The following SPAG16 variants were observed in gnomAD, a reference collection of about 807,000 sequenced individuals.
SPAG16 encodes the protein sperm associated antigen 16.
A neutral mutation model predicts 80.4 loss-of-function variants in SPAG16; 86 were observed. The ratio of observed to expected loss-of-function variants is 1.07; its 90% CI spans 0.90 to 1.28. SPAG16 has a LOEUF of 1.28. Ranked by LOEUF, SPAG16 falls within the 50% of genes most tolerant of loss-of-function variation. The pLI is 0.00. For synonymous variants in SPAG16, 294 were observed against 265.9 expected (o/e 1.11, Z -1.03); for missense variants, 870 against 765.3 (o/e 1.14, Z -1.61).
At chr2:214,009,945 GA>G (rs1300084764) in intron 12 of SPAG16, among the ~76,000 whole-genome samples, 3 of 152,032 alleles carry the variant, frequency 2.0e-5, no homozygotes, top group Non-Finnish European at 4.4e-5. Context: ...AAGAGTAAAT[GA>G]ATAAAACTCC....
rs1257915737 is a variant in SPAG16, at chr2:214,257,295, T to C, written c.1720+108029T>C. The stretch of plus-strand genomic sequence containing the variant: ...CATAGTAGTTGTGTTGTCAAGTTCT[T>C]AGGATCTTCTTCATAAGCAATCATG... On this transcript the variant is annotated intron_variant, in intron 15 of 15. Transcript: ENST00000331683. Among the ~76,000 whole-genome samples the C allele has an allele frequency of 2.0e-5, 3 of 152,002 alleles. No homozygotes were observed. In the East Asian group the frequency reaches 5.8e-4, roughly 29 times the overall value.
chr2:213,525,014 T>C (rs1402403193), intron 10 of SPAG16, among the ~76,000 whole-genome samples: 5 of 152,118 alleles, frequency 3.3e-5, no homozygotes, highest in African/African-American at 4.8e-5. Context: ...GCAGTTCCCA[T>C]AATCCCCACA....
At chr2:213,885,442 T>A (rs1357088077) in intron 11 of SPAG16, among the ~76,000 whole-genome samples, 4 of 152,204 alleles carry the variant, frequency 2.6e-5, no homozygotes, top group African/African-American at 9.6e-5. Context: ...TTTGTGCACA[T>A]TGATTTTGTT....
intron 7 of SPAG16, among the ~76,000 whole-genome samples, chr2:213,354,089 T>C (rs548951794): frequency 1.3e-5 from 2 of 152,286 alleles, no homozygotes; most frequent in Admixed American, 1.3e-4. Context: ...CCTGTGTCCA[T>C]GTGTTCTCAT....
intron 10 of SPAG16, among the ~76,000 whole-genome samples, chr2:213,626,614 C>T (rs2061967680): frequency 6.7e-6 from 1 of 150,216 alleles, no homozygotes; most frequent in Non-Finnish European, 1.5e-5. Flanking sequence ...TTGCATGACA[C>T]ACTAGATATT....
intron 3 of SPAG16, among the ~76,000 whole-genome samples, chr2:213,301,334 T>C (rs2062734428): frequency 6.6e-6 from 1 of 152,196 alleles, no homozygotes; most frequent in African/African-American, 2.4e-5. Context: ...AAGGAGTTGA[T>C]GAAATGAAGC....
chr2:213,515,562 CT>C (rs2075388478), intron 10 of SPAG16, among the ~76,000 whole-genome samples: 2 of 152,072 alleles, frequency 1.3e-5, no homozygotes, highest in Admixed American at 6.6e-5. Flanking sequence ...GATGTAATTC[CT>C]TTTTTTCCAT....
chr2:214,077,127 T>C (rs1327515105), intron 13 of SPAG16, among the ~76,000 whole-genome samples: 2 of 152,184 alleles, frequency 1.3e-5, no homozygotes, highest in African/African-American at 4.8e-5. Context: ...TTAGTTTGAT[T>C]ACATGTACAA....
intron 10 of SPAG16, among the ~76,000 whole-genome samples, chr2:213,772,564 C>T (rs892115981): frequency 6.6e-6 from 1 of 152,058 alleles, no homozygotes; most frequent in African/African-American, 2.4e-5. Context: ...AAGAGTACTA[C>T]TATATATATG....
intron 9 of SPAG16, among the ~76,000 whole-genome samples, chr2:213,430,224 G>A (rs569564611): frequency 5.9e-5 from 9 of 152,318 alleles, no homozygotes; most frequent in African/African-American, 2.2e-4. Context: ...TTCAACAATA[G>A]ATGAGACCAA....
chr2:213,772,566 A>C (rs1575095897), intron 10 of SPAG16, among the ~76,000 whole-genome samples: 1 of 152,170 alleles, frequency 6.6e-6, no homozygotes, highest in Admixed American at 6.5e-5. Context: ...GAGTACTACT[A>C]TATATATGTG....
intron 12 of SPAG16, among the ~76,000 whole-genome samples, chr2:213,993,124 G>A (rs969448067): frequency 6.6e-6 from 1 of 152,210 alleles, no homozygotes; most frequent in Admixed American, 6.5e-5. Context: ...TATGCTCAGC[G>A]TGAAACTAAG....
chr2:213,475,750 A>G (rs914569805), intron 9 of SPAG16, among the ~76,000 whole-genome samples: 1 of 152,188 alleles, frequency 6.6e-6, no homozygotes, highest in African/African-American at 2.4e-5. Context: ...TGAAGCATGA[A>G]AAATACACTG....
intron 9 of SPAG16, among the ~76,000 whole-genome samples, chr2:213,465,476 A>G (rs1000905141): frequency 6.6e-6 from 1 of 152,176 alleles, no homozygotes; most frequent in African/African-American, 2.4e-5. Context: ...ATAGGTTTGC[A>G]CTACTATCTG....
intron 10 of SPAG16, among the ~76,000 whole-genome samples, chr2:213,599,763 A>G (rs2060999523): frequency 6.6e-6 from 1 of 152,156 alleles, no homozygotes; most frequent in Non-Finnish European, 1.5e-5. Context: ...GTGCAGTGGC[A>G]CAATATCGGC....
chr2:213,798,960 C>T (rs528081847), intron 10 of SPAG16, among the ~76,000 whole-genome samples: 22 of 152,268 alleles, frequency 1.4e-4, no homozygotes, highest in African/African-American at 5.3e-4. Flanking sequence ...TGCCAGTACC[C>T]TATTCCTTAC....
At chr2:214,116,885 T>C (rs1037738194) in intron 14 of SPAG16, among the ~76,000 whole-genome samples, 1 of 152,186 alleles carries the variant, frequency 6.6e-6, no homozygotes, top group Non-Finnish European at 1.5e-5. Context: ...TGAAAAATGA[T>C]AGGCACAGTA....
intron 11 of SPAG16, among the ~76,000 whole-genome samples, chr2:213,925,965 T>C (rs1311532103): frequency 6.6e-6 from 1 of 152,186 alleles, no homozygotes; most frequent in Non-Finnish European, 1.5e-5. Context: ...AGTAAAAATT[T>C]CTTTTTATTG....
intron 15 of SPAG16, among the ~76,000 whole-genome samples, chr2:214,182,017 C>T (rs1184208198): frequency 6.6e-6 from 1 of 151,606 alleles, no homozygotes; most frequent in Non-Finnish European, 1.5e-5. Context: ...GATTTAAAGC[C>T]CTATGTTATC....
Sources: allele counts gnomAD v4.1 joint callset (sites outside exome capture counted in the v4.1 genomes callset), GRCh38; gene constraint gnomAD v4.1.1; transcripts MANE v1.5; gene names NCBI Gene and HGNC (gene_info 2026-07-23, HGNC 2026-07-21).